CEMIP2: variants seen among roughly 807,000 people sequenced by gnomAD.
The protein encoded by CEMIP2 is cell migration inducing hyaluronidase 2.
CEMIP2 carries 79 observed loss-of-function variants against 146.9 expected under a neutral mutation model. The observed-to-expected ratio is 0.54, with a 90% CI of 0.45 to 0.65. The LOEUF (loss-of-function observed/expected upper bound fraction) is 0.65, where lower values mean the gene tolerates loss of function less well. Ranked by LOEUF, CEMIP2 falls within the 30% of genes least tolerant of loss-of-function variation. The pLI is 0.00. For synonymous variants in CEMIP2, 601 were observed against 606.3 expected (o/e 0.99, Z 0.13); for missense variants, 1,596 against 1,696.2 (o/e 0.94, Z 1.04).
At chr9:71,715,826 A>G (rs1214336668) in intron 14 of CEMIP2, among the ~76,000 whole-genome samples, 1 of 151,436 alleles carries the variant, frequency 6.6e-6, no homozygotes, top group African/African-American at 2.4e-5. Context: ...GGGTCTTGCT[A>G]TGTTGCTCAG....
chr9:71,694,757 G>A (rs2131864595), intron 20 of CEMIP2, 150 bp from the exon 21 acceptor site: 1 of 598,436 alleles, frequency 1.7e-6, no homozygotes, highest in Non-Finnish European at 3.0e-6. Flanking sequence ...ATTCCATCTT[G>A]ATATTCTTAA....
intron 2 of CEMIP2, among the ~76,000 whole-genome samples, chr9:71,749,276 T>C (rs1824177403): frequency 6.6e-6 from 1 of 152,138 alleles, no homozygotes; most frequent in Non-Finnish European, 1.5e-5. Context: ...ATATTGTTAC[T>C]CAAAAATATT....
At chr9:71,695,343 A>G (rs917345574) in intron 20 of CEMIP2, among the ~76,000 whole-genome samples, 1 of 152,180 alleles carries the variant, frequency 6.6e-6, no homozygotes, top group Non-Finnish European at 1.5e-5. Context: ...TTAGAGGTAC[A>G]CTGTCCATAT....
intron 20 of CEMIP2, among the ~76,000 whole-genome samples, chr9:71,696,055 T>TA (rs1461929284): frequency 6.6e-6 from 1 of 152,304 alleles, no homozygotes; most frequent in South Asian, 2.1e-4. Flanking sequence ...CAATACATTT[T>TA]AAAAAAATGA....
chr9:71,727,157 TC>T (rs1275177378), intron 10 of CEMIP2, among the ~76,000 whole-genome samples: 4 of 152,238 alleles, frequency 2.6e-5, no homozygotes, highest in Admixed American at 2.6e-4. Flanking sequence ...TTTCTTCTTT[TC>T]TCACATGAGC....
chr9:71,731,936 T>C (rs1215500247), intron 7 of CEMIP2, among the ~76,000 whole-genome samples: 1 of 152,188 alleles, frequency 6.6e-6, no homozygotes, highest in African/African-American at 2.4e-5. Context: ...AAAAATATTT[T>C]TATAGGAACA....
intron 14 of CEMIP2, 147 bp from the exon 15 acceptor site, chr9:71,715,236 GCTTT>G (rs556856282): frequency 0.044 from 16,682 of 377,520 alleles, 253 homozygotes; most frequent in South Asian, 0.059. Flanking sequence ...TTCAGAAACT[GCTTT>G]TTTTTTTTTT....
intron 4 of CEMIP2, among the ~76,000 whole-genome samples, chr9:71,743,391 T>C (rs1279002848): frequency 6.6e-6 from 1 of 152,226 alleles, no homozygotes; most frequent in Non-Finnish European, 1.5e-5. Context: ...TACATTGTTA[T>C]TTTTGGCACT....
intron 18 of CEMIP2, among the ~76,000 whole-genome samples, chr9:71,704,181 C>T (rs1427517794): frequency 1.3e-5 from 2 of 152,158 alleles, no homozygotes; most frequent in Non-Finnish European, 2.9e-5. Flanking sequence ...CTTCTTGCCC[C>T]TAGCAGGCAT....
chr9:71,753,243 T>C (rs551464164), intron 1 of CEMIP2, among the ~76,000 whole-genome samples: 111 of 151,836 alleles, frequency 7.3e-4, no homozygotes, highest in African/African-American at 2.6e-3. Context: ...GATACCTTAT[T>C]GTTTCAGGGT....
chr9:71,740,188 G>T lies in CEMIP2; in HGVS notation c.1079C>A (p.Ser360Tyr), dbSNP rs1477099365. 1 of 1,613,934 alleles carries T rather than the reference G, an allele frequency of 6.2e-7. No individual in the cohort carries two copies. Among genetic ancestry groups the T allele is most frequent in the Non-Finnish European group, 8.5e-7 (1 of 1,180,010 alleles). Residue 360 changes from serine to tyrosine, a missense_variant, in exon 5 of 24, where the codon TCT (serine) becomes TAT (tyrosine). Physicochemically the swap from Ser to Tyr is moderately radical, Grantham distance 144. Transcript: ENST00000377044. ...LVGVIDGGST[S>Y]CNESVRNYEN... ...ATAGTTTCTCACGGATTCATTGCAA[G>T]AAGTGCTTCCACCATCAATGACACC... is the stretch of plus-strand genomic sequence containing the variant.
intron 6 of CEMIP2, among the ~76,000 whole-genome samples, chr9:71,732,980 A>C (rs780775086): frequency 1.3e-5 from 2 of 151,986 alleles, no homozygotes; most frequent in Admixed American, 1.3e-4. Context: ...AACAGCACTA[A>C]TAATCTGGAA....
At chr9:71,728,231 C>CTCTCTCTCTA (rs1554684626) in intron 10 of CEMIP2, among the ~76,000 whole-genome samples, 1 of 14,774 alleles carries the variant, frequency 6.8e-5, no homozygotes, top group African/African-American at 2.3e-4. Flanking sequence ...CTCTCTCTCT[C>CTCTCTCTCTA]TATATATATA....
Position 71,717,992 on chromosome 9 carries a change from A to G in CEMIP2, c.2355T>C (p.Asn785=), listed in dbSNP as rs770977152. ...DRLIAFKNND[N]GAWVRGGDII... The stretch of plus-strand genomic sequence containing the variant: ...TATCTCCTCCTCTGACCCAAGCTCC[A>G]TTATCATTATTTTTAAAAGCAATGA... Residue 785 remains asparagine, a synonymous_variant, in exon 13 of 24, where the codon AAT becomes AAC. Transcript: ENST00000377044. The G allele has an allele frequency of 1.9e-5, 30 of 1,612,958 alleles. No individual in the cohort carries two copies. The highest frequency in any genetic ancestry group is 2.5e-5 in the Non-Finnish European group (29 of 1,179,426).
At position 71,734,844 on chromosome 9, in the gene CEMIP2, G is replaced by T. The variant is rs1490428958; in HGVS notation, c.1355C>A (p.Pro452His). ...CTGAAAATGGCTGCATTCAGAACAGGGAAGAAGAGTGAACTCCTCTGCTTG... is the reference window on the plus strand; with the variant it reads ...CTGAAAATGGCTGCATTCAGAACAGTGAAGAAGAGTGAACTCCTCTGCTTG... ...MYQAEEFTLLPCSECSHFQVK... is the reference protein window; with the variant it reads ...MYQAEEFTLLHCSECSHFQVK... The change falls in exon 6 of 24, where the codon CCC becomes CAC. Residue 452 changes from proline to histidine, a missense_variant. By Grantham distance (77) the Pro-to-His change is moderately conservative. Transcript: ENST00000377044. The T allele has an allele frequency of 3.7e-6, 6 of 1,613,520 alleles. No individual in the cohort carries two copies. Among genetic ancestry groups the T allele is most frequent in the Non-Finnish European group, 5.1e-6 (6 of 1,179,726 alleles).
At chr9:71,696,488 T>A (rs1340072717) in intron 20 of CEMIP2, among the ~76,000 whole-genome samples, 2 of 148,900 alleles carry the variant, frequency 1.3e-5, no homozygotes, top group African/African-American at 2.5e-5. Context: ...AAAAAAAAAA[T>A]TGGCCAGTGC....
At chr9:71,744,692 G>T (rs1041218841) in intron 4 of CEMIP2, among the ~76,000 whole-genome samples, 19 of 152,170 alleles carry the variant, frequency 1.2e-4, no homozygotes, top group African/African-American at 4.3e-4. Flanking sequence ...ATCTTCAGAA[G>T]GTAACGAAAG....
Position 71,718,051 on chromosome 9 carries a change from C to T in CEMIP2, c.2296G>A (p.Glu766Lys), listed in dbSNP as rs554100785. ...ATTAGAGCAGCAACACGTGGTTTTT[C>T]GGGGTTTGCATCCTGATGAGGTCGA... ...RFRPHQDANP[E>K]KPRVAALIDR... The change falls in exon 13 of 24, where the codon GAA becomes AAA. Residue 766 changes from glutamate (E) to lysine (K), a missense_variant. Transcript: ENST00000377044. 20 of 1,611,962 alleles carry T rather than the reference C, an allele frequency of 1.2e-5. No individual in the cohort carries two copies. In the East Asian group the frequency reaches 2.0e-4, roughly 16 times the overall value.
In CEMIP2 at chr9:71,738,579, C is replaced by A. The variant is rs1267405392; in HGVS notation, c.1204+1484G>T. Among the ~76,000 whole-genome samples, 4 of 151,824 alleles carry A rather than the reference C, an allele frequency of 2.6e-5. No individual in the cohort carries two copies. In the East Asian group the frequency reaches 7.8e-4, roughly 30 times the overall value. ...GACTAACCGGGTATGGTGGCTCACG[C>A]CTGTAATCCCAGTACCTTGGGAGGC... On this transcript the variant is annotated intron_variant, in intron 5 of 23. Coordinates refer to ENST00000377044, the MANE Select transcript of CEMIP2 (RefSeq NM_013390.3).
Sources: gnomAD v4.1 joint callset for allele counts (sites outside exome capture counted in the v4.1 genomes callset) on GRCh38, gnomAD v4.1.1 for gene constraint, MANE v1.5 for transcripts, NCBI Gene and HGNC (gene_info 2026-07-23, HGNC 2026-07-21) for gene names.